The following PLEKHM3 variants were observed in gnomAD, a reference collection of about 807,000 sequenced individuals.
PLEKHM3 encodes pleckstrin homology domain containing M3, also known as pleckstrin homology domain-containing family M member 3.
In PLEKHM3, 45 loss-of-function variants were observed where a neutral mutation model predicts 81.8. That is an observed-to-expected ratio of 0.55 (90% CI 0.43 to 0.71). The LOEUF (loss-of-function observed/expected upper bound fraction) is 0.71. Ranked by LOEUF, PLEKHM3 falls within the 30% of genes least tolerant of loss-of-function variation. The pLI, the probability that PLEKHM3 is intolerant of heterozygous loss-of-function variation, is 0.00. For missense variants in PLEKHM3, 788 were observed against 924.3 expected (o/e 0.85, Z 1.91); for synonymous variants, 352 against 356.4 (o/e 0.99, Z 0.14).
At chr2:207,958,675 C>T (rs1378449177) in intron 3 of PLEKHM3, among the ~76,000 whole-genome samples, 9 of 151,912 alleles carry the variant, frequency 5.9e-5, no homozygotes, top group South Asian at 2.1e-4. Flanking sequence ...TTTGGGAGGC[C>T]GAGGTGGGCG....
At chr2:207,912,546 G>A (rs1444464945) in intron 5 of PLEKHM3, among the ~76,000 whole-genome samples, 1 of 152,186 alleles carries the variant, frequency 6.6e-6, no homozygotes, top group African/African-American at 2.4e-5. Context: ...AGATTTAGTG[G>A]TGGCCATTAC....
chr2:207,941,980 G>T (rs1263590707), intron 4 of PLEKHM3, among the ~76,000 whole-genome samples: 1 of 152,192 alleles, frequency 6.6e-6, no homozygotes, highest in Non-Finnish European at 1.5e-5. Flanking sequence ...TGCTGGTGAG[G>T]ATGTGGAGAA....
chr2:207,824,627 C>T lies in PLEKHM3; in HGVS notation c.*3692G>A, dbSNP rs1193277547. The T allele has an allele frequency of 1.3e-5, 2 of 152,238 alleles. No homozygotes were observed. The highest frequency in any genetic ancestry group is 1.9e-4 in the East Asian group (1 of 5,196). 9.4% of individuals were successfully genotyped at this position (152,238 alleles called of 1,614,324 possible). On this transcript the variant is annotated 3_prime_UTR_variant, in exon 8 of 8. Transcript: ENST00000427836. Reference sequence around the variant, plus strand: ...AGCCAATGGGTAGAGAACAAACTCCCAGGTTTGGAAGCCAAGCCTCTCTGA... The same window carrying T: ...AGCCAATGGGTAGAGAACAAACTCCTAGGTTTGGAAGCCAAGCCTCTCTGA...
chr2:207,975,581 G>GTTT (rs1691277327), intron 3 of PLEKHM3, among the ~76,000 whole-genome samples: 1 of 101,004 alleles, frequency 9.9e-6, no homozygotes, highest in Admixed American at 1.1e-4. Context: ...GGTTTTAAAA[G>GTTT]CTTTTTTTTT....
intron 1 of PLEKHM3, among the ~76,000 whole-genome samples, chr2:208,010,431 G>A (rs752498577): frequency 2.0e-5 from 3 of 152,198 alleles, no homozygotes; most frequent in East Asian, 1.9e-4. Context: ...CTTCAGTTAC[G>A]AAATGTCTAA....
At chr2:207,988,092 G>A (rs997412334) in intron 2 of PLEKHM3, among the ~76,000 whole-genome samples, 2 of 151,912 alleles carry the variant, frequency 1.3e-5, no homozygotes, top group African/African-American at 2.4e-5. Context: ...CACTTCAGTG[G>A]GTCTGAAACA....
intron 5 of PLEKHM3, among the ~76,000 whole-genome samples, chr2:207,922,116 T>A (rs1473665085): frequency 6.6e-6 from 1 of 152,210 alleles, no homozygotes; most frequent in Non-Finnish European, 1.5e-5. Flanking sequence ...TTATAAGAGT[T>A]CTCTTTTCTC....
chr2:207,923,014 T>A (rs1442591672), intron 5 of PLEKHM3, among the ~76,000 whole-genome samples: 1 of 152,056 alleles, frequency 6.6e-6, no homozygotes, highest in Non-Finnish European at 1.5e-5. Flanking sequence ...GAAATGAGTA[T>A]GTCATTTTGG....
At chr2:207,833,822 C>T (rs2092302290) in intron 7 of PLEKHM3, among the ~76,000 whole-genome samples, 1 of 152,216 alleles carries the variant, frequency 6.6e-6, no homozygotes. Flanking sequence ...ACAGGACTCC[C>T]ACACTGAATT....
chr2:207,837,301 G>C (rs1286469902), intron 7 of PLEKHM3, among the ~76,000 whole-genome samples: 1 of 152,116 alleles, frequency 6.6e-6, no homozygotes, highest in African/African-American at 2.4e-5. Context: ...AATTAAATAT[G>C]ATTAATAGGA....
intron 7 of PLEKHM3, among the ~76,000 whole-genome samples, chr2:207,834,372 C>T (rs567246774): frequency 3.3e-5 from 5 of 151,600 alleles, no homozygotes; most frequent in Non-Finnish European, 7.4e-5. Context: ...TCAGGTGATC[C>T]GCCCACCTCG....
chr2:207,957,337 G>A (rs1207155357), intron 3 of PLEKHM3, among the ~76,000 whole-genome samples: 1 of 152,176 alleles, frequency 6.6e-6, no homozygotes, highest in Non-Finnish European at 1.5e-5. Flanking sequence ...GGTTGGTGAA[G>A]GTCCTATTTT....
intron 7 of PLEKHM3, among the ~76,000 whole-genome samples, chr2:207,840,127 T>G: frequency 6.6e-6 from 1 of 152,310 alleles, no homozygotes; most frequent in South Asian, 2.1e-4. Context: ...TCATATAATA[T>G]ATTTAAAACA....
chr2:207,859,284 A>G (rs1216352953), intron 7 of PLEKHM3, among the ~76,000 whole-genome samples: 2 of 151,540 alleles, frequency 1.3e-5, no homozygotes, highest in South Asian at 2.1e-4. Flanking sequence ...GATTACAGGC[A>G]TGTACCACTA....
chr2:207,963,016 T>C (rs891553437), intron 3 of PLEKHM3, among the ~76,000 whole-genome samples: 1 of 151,442 alleles, frequency 6.6e-6, no homozygotes, highest in Admixed American at 6.6e-5. Flanking sequence ...TACAGATGAC[T>C]CCAACCTTGG....
chr2:207,889,436 C>CACACACAA (rs1354509962), intron 6 of PLEKHM3, among the ~76,000 whole-genome samples: 1 of 51,240 alleles, frequency 2.0e-5, no homozygotes, highest in African/African-American at 1.1e-4. Context: ...TTTTTTTCAA[C>CACACACAA]ACACACACAC....
intron 6 of PLEKHM3, among the ~76,000 whole-genome samples, chr2:207,892,224 G>A (rs949081928): frequency 7.9e-5 from 12 of 152,170 alleles, no homozygotes; most frequent in African/African-American, 2.9e-4. Context: ...CTGTAAAATA[G>A]ACTCCGTAAG....
intron 1 of PLEKHM3, among the ~76,000 whole-genome samples, chr2:208,021,792 T>C (rs1359554301): frequency 6.6e-6 from 1 of 152,222 alleles, no homozygotes; most frequent in Non-Finnish European, 1.5e-5. Context: ...TTTTTAAACA[T>C]AGTTCAGAGC....
chr2:207,941,942 T>C (rs917057876), intron 4 of PLEKHM3, among the ~76,000 whole-genome samples: 2 of 152,162 alleles, frequency 1.3e-5, no homozygotes, highest in African/African-American at 4.8e-5. Flanking sequence ...TTAAAATGGC[T>C]ATTACTCAAA....
Sources: gnomAD v4.1 joint callset for allele counts (sites outside exome capture counted in the v4.1 genomes callset) on GRCh38, gnomAD v4.1.1 for gene constraint, MANE v1.5 for transcripts, NCBI Gene and HGNC (gene_info 2026-07-23, HGNC 2026-07-21) for gene names.